Variants in OLFM3 observed in about 807,000 individuals in gnomAD.
The protein encoded by OLFM3 is noelin-3.
In OLFM3, 20 loss-of-function variants were observed where a neutral mutation model predicts 48.6. The ratio of observed to expected loss-of-function variants is 0.41; its 90% CI spans 0.29 to 0.60. The LOEUF (loss-of-function observed/expected upper bound fraction) is 0.60. Ranked by LOEUF, OLFM3 falls within the 20% of genes least tolerant of loss-of-function variation. The probability of loss-of-function intolerance (pLI) is 0.28; values close to 1 mark genes in which losing one functional copy is unlikely to be tolerated. For missense variants in OLFM3, 437 were observed against 544.3 expected, an observed-to-expected ratio of 0.80 and a Z score of 1.96; for synonymous variants, 222 against 198.1, an observed-to-expected ratio of 1.12 and a Z score of -1.01.
chr1:101,804,851 A>C lies in OLFM3; in HGVS notation c.764T>G (p.Phe255Cys). Residue 255 changes from phenylalanine (F) to cysteine (C), a missense_variant, in exon 6 of 6, where the codon TTT becomes TGT. Phe to Cys is a radical substitution (Grantham distance 205). Around this residue, in one of 3 missense-constraint regions of OLFM3, gnomAD observed 314 missense variants for 365.5 expected, o/e 0.86. Transcript: ENST00000370103. The surrounding 1 kb of genome is among the most constrained non-coding windows in gnomAD (Gnocchi z 4.5). ...IVREYKSIAD[F>C]VSGAESRTYN... ...TGTCCTTGATTCAGCCCCACTGACAAAGTCTGCAATTGATTTGTATTCACG... is the reference window on the plus strand; with the variant it reads ...TGTCCTTGATTCAGCCCCACTGACACAGTCTGCAATTGATTTGTATTCACG... 1 of 1,612,372 alleles carries C rather than the reference A, an allele frequency of 6.2e-7. No homozygotes were observed. The highest frequency in any genetic ancestry group is 8.5e-7 in the Non-Finnish European group (1 of 1,178,972).
chr1:101,841,631 T>TA (rs1200133858), intron 1 of OLFM3, among the ~76,000 whole-genome samples: 31 of 152,150 alleles, frequency 2.0e-4, no homozygotes, highest in Admixed American at 5.9e-4. Flanking sequence ...CTCTGCAATA[T>TA]ATAGTCAGAT....
At chr1:101,959,621 G>A (rs1291482723) in intron 1 of OLFM3, among the ~76,000 whole-genome samples, 5 of 152,140 alleles carry the variant, frequency 3.3e-5, no homozygotes, top group South Asian at 2.1e-4. Flanking sequence ...ATCTGTTGCC[G>A]TTGGGTTGCA....
intron 1 of OLFM3, among the ~76,000 whole-genome samples, chr1:101,950,841 A>C (rs1403602642): frequency 6.6e-6 from 1 of 152,148 alleles, no homozygotes; most frequent in Non-Finnish European, 1.5e-5. Context: ...TTCCTTACAA[A>C]AGTGCCAAGC....
chr1:101,839,189 CT>C (rs1655586776), intron 1 of OLFM3, among the ~76,000 whole-genome samples: 1 of 152,066 alleles, frequency 6.6e-6, no homozygotes, highest in Non-Finnish European at 1.5e-5. Flanking sequence ...CCAATGCTGC[CT>C]TTTATTTTTG....
intron 1 of OLFM3, among the ~76,000 whole-genome samples, chr1:101,959,375 A>G (rs1028540946): frequency 5.3e-5 from 8 of 150,760 alleles, no homozygotes; most frequent in African/African-American, 2.0e-4. Flanking sequence ...TTCACTTTCT[A>G]AAGCTCTGTT....
intron 1 of OLFM3, among the ~76,000 whole-genome samples, chr1:101,885,486 G>C (rs1347037790): frequency 6.6e-6 from 1 of 151,942 alleles, no homozygotes; most frequent in Non-Finnish European, 1.5e-5. Flanking sequence ...TTCCATAAAG[G>C]TACATGGAGA....
At chr1:101,889,802 G>C (rs28649392) in intron 1 of OLFM3, among the ~76,000 whole-genome samples, 11,955 of 151,716 alleles carry the variant, frequency 0.079, 597 homozygotes, top group East Asian at 0.22. Context: ...AGATGGTTAC[G>C]TTTATTCTAC....
At chr1:101,901,980 TA>T (rs1271838919) in intron 1 of OLFM3, among the ~76,000 whole-genome samples, 5 of 151,846 alleles carry the variant, frequency 3.3e-5, no homozygotes, top group Admixed American at 3.3e-4. Flanking sequence ...GGAGATGAGA[TA>T]AAAAAACTTC....
chr1:101,976,810 ACTTTT>A (rs1660967270), intron 1 of OLFM3, among the ~76,000 whole-genome samples: 2 of 152,184 alleles, frequency 1.3e-5, no homozygotes, highest in African/African-American at 2.4e-5. Flanking sequence ...AAGAAAGATA[ACTTTT>A]CTTTTCTTCC....
At chr1:101,807,641 G>T (rs1157634856) in intron 4 of OLFM3, among the ~76,000 whole-genome samples, 1 of 151,754 alleles carries the variant, frequency 6.6e-6, no homozygotes, top group Non-Finnish European at 1.5e-5. Flanking sequence ...ATTATATTTT[G>T]CACTACTAGT....
intron 1 of OLFM3, among the ~76,000 whole-genome samples, chr1:101,844,337 T>C (rs1655878753): frequency 6.6e-6 from 1 of 151,892 alleles, no homozygotes; most frequent in South Asian, 2.1e-4. Flanking sequence ...AAGGTGTTGG[T>C]GTGTAGGAGG....
At chr1:101,909,396 G>A (rs1658669939) in intron 1 of OLFM3, among the ~76,000 whole-genome samples, 1 of 152,168 alleles carries the variant, frequency 6.6e-6, no homozygotes, top group African/African-American at 2.4e-5. Context: ...TATTTGGGCA[G>A]GCTTATAATA....
Position 101,824,970 on chromosome 1 carries a change from TTTTC to T in OLFM3, c.592+52_592+55del. 3 of 1,463,796 alleles carry T rather than the reference TTTTC, an allele frequency of 2.0e-6. No individual in the cohort carries two copies. The South Asian group carries it at 3.5e-5, about 17-fold the overall frequency. 90.7% of individuals were successfully genotyped at this position (1,463,796 alleles called of 1,614,324 possible). A position where few individuals can be genotyped will look rare whatever the true frequency, so the allele number is the denominator to read the frequency against. ...CTCTTTATAAAACGTAAGAGCACAATTTTCTTTGAAACTATATAAAAACGTAACT... is the reference window on the plus strand; with the variant it reads ...CTCTTTATAAAACGTAAGAGCACAATTTTGAAACTATATAAAAACGTAACT... On this transcript the variant is annotated intron_variant, in intron 4 of 5. Coordinates refer to ENST00000370103, the MANE Select transcript of OLFM3 (RefSeq NM_058170.4).
chr1:101,804,895 A>C lies in OLFM3; in HGVS notation c.720T>G (p.Tyr240Ter). ...KNNRVWYMDS[Y>*]TNNKIVREYK... ...ATTCACGAACAATTTTATTGTTAGT[A>C]TAACTGTCCATGTACCAGACCTGAG... The change falls in exon 6 of 6, where the codon TAT becomes TAG. Residue 240 changes from tyrosine to a stop codon, truncating the protein, a stop_gained. Transcript: ENST00000370103. LOFTEE classifies it high-confidence loss of function. This position sits in a 1 kb window ranked among gnomAD's most constrained non-coding sequence, Gnocchi z 4.5. 6.2e-7 allele frequency: 1 copy of C among 1,610,728 alleles called. No homozygotes were observed. The highest frequency in any genetic ancestry group is 8.5e-7 in the Non-Finnish European group (1 of 1,178,362).
intron 1 of OLFM3, among the ~76,000 whole-genome samples, chr1:101,878,254 GT>G (rs1168230560): frequency 6.6e-6 from 1 of 151,786 alleles, no homozygotes. Flanking sequence ...CCATTGTTGT[GT>G]TAATGGTCAT....
In OLFM3 at chr1:101,906,803, C is replaced by T. The variant is rs369051764; in HGVS notation, c.70-69778G>A. On this transcript the variant is annotated intron_variant, in intron 1 of 5. Transcript: ENST00000370103. ...TCAGTGGACTATCATCATCAGTGAC[C>T]AGATTTTATACATACATGTATGAAT... is the stretch of plus-strand genomic sequence containing the variant. Among the ~76,000 whole-genome samples, 26 of 152,078 alleles carry T rather than the reference C, an allele frequency of 1.7e-4. 3 individuals are homozygous for T. The highest frequency in any genetic ancestry group is 1.2e-3 in the Admixed American group (19 of 15,262).
intron 1 of OLFM3, among the ~76,000 whole-genome samples, chr1:101,953,959 T>C (rs748883940): frequency 4.6e-5 from 7 of 152,000 alleles, no homozygotes; most frequent in African/African-American, 9.7e-5. Flanking sequence ...AAAGGAAGCA[T>C]TGGTTGACAG....
chr1:101,953,377 T>C lies in OLFM3; in HGVS notation c.69+43371A>G, dbSNP rs1031505833. On this transcript the variant is annotated intron_variant, in intron 1 of 5. Coordinates refer to ENST00000370103, the MANE Select transcript of OLFM3 (RefSeq NM_058170.4). ...GTTCACATATTGTTCATGCCTGCTTTTGTGCTACACTGGCAGAGTTGAGTA... is the reference window on the plus strand; with the variant it reads ...GTTCACATATTGTTCATGCCTGCTTCTGTGCTACACTGGCAGAGTTGAGTA... Among the ~76,000 whole-genome samples, 15 of 152,170 alleles carry C rather than the reference T, an allele frequency of 9.9e-5. No individual in the cohort carries two copies. The East Asian group carries it at 2.9e-3, about 29-fold the overall frequency.
intron 4 of OLFM3, among the ~76,000 whole-genome samples, chr1:101,814,267 T>C (rs1475981233): frequency 1.1e-5 from 1 of 91,010 alleles, no homozygotes; most frequent in Admixed American, 1.4e-4. Flanking sequence ...CCAGCTAAGG[T>C]TTTTTTTTTT....
Sources: allele counts gnomAD v4.1 joint callset (sites outside exome capture counted in the v4.1 genomes callset), GRCh38; gene constraint gnomAD v4.1.1; regional missense constraint gnomAD v4.1.1; non-coding constraint Gnocchi (gnomAD v3.1); transcripts MANE v1.5; gene names NCBI Gene and HGNC (gene_info 2026-07-23, HGNC 2026-07-21).